ABCC1: variants seen among roughly 807,000 people sequenced by gnomAD.
ABCC1 encodes ATP binding cassette subfamily C member 1 (ABCC1 blood group), also known as multidrug resistance-associated protein 1.
In ABCC1, 83 loss-of-function variants were observed where a neutral mutation model predicts 172.9. The ratio of observed to expected loss-of-function variants is 0.48; its 90% confidence interval spans 0.40 to 0.58. ABCC1 has a LOEUF of 0.58. ABCC1 is among the 20% of genes least tolerant of loss of function. The pLI is 0.00. For synonymous variants in ABCC1, 937 were observed against 825.2 expected (o/e 1.14, Z -2.32); for missense variants, 1,817 against 2,002.7 (o/e 0.91, Z 1.77).
At chr16:15,954,848 C>G (rs1481253854) in intron 1 of ABCC1, among the ~76,000 whole-genome samples, 1 of 152,170 alleles carries the variant, frequency 6.6e-6, no homozygotes, top group Admixed American at 6.5e-5. Flanking sequence ...GAACTGATCT[C>G]TCTATGTGGG....
At chr16:15,983,028 T>C (rs566755351) in intron 1 of ABCC1, among the ~76,000 whole-genome samples, 26 of 152,086 alleles carry the variant, frequency 1.7e-4, no homozygotes, top group African/African-American at 5.1e-4. Context: ...ATATACAGTA[T>C]AAAATAGTGC....
At chr16:16,005,816 C>G (rs1007669817) in intron 1 of ABCC1, among the ~76,000 whole-genome samples, 2 of 151,964 alleles carry the variant, frequency 1.3e-5, no homozygotes, top group African/African-American at 4.8e-5. Context: ...AAAAAATTAG[C>G]CAAGCGGGGT....
intron 5 of ABCC1, among the ~76,000 whole-genome samples, chr16:16,024,939 G>A (rs1374850279): frequency 6.6e-6 from 1 of 152,134 alleles, no homozygotes; most frequent in Non-Finnish European, 1.5e-5. Flanking sequence ...GGCATTTTGG[G>A]AGGCTTAGGG....
chr16:16,036,775 T>A (rs2048775688), intron 7 of ABCC1, among the ~76,000 whole-genome samples, 172 bp downstream of exon 7: 1 of 152,052 alleles, frequency 6.6e-6, no homozygotes. Flanking sequence ...CCAAATGGGG[T>A]AGGATCTCAC....
intron 18 of ABCC1, among the ~76,000 whole-genome samples, chr16:16,087,577 C>A (rs1052975178): frequency 6.6e-6 from 1 of 152,158 alleles, no homozygotes; most frequent in Non-Finnish European, 1.5e-5. Flanking sequence ...CCTGCTTTGG[C>A]CTCCCAAGTA....
At chr16:16,140,699 A>T (rs1345386268) in intron 30 of ABCC1, among the ~76,000 whole-genome samples, 2 of 152,232 alleles carry the variant, frequency 1.3e-5, no homozygotes, top group Non-Finnish European at 2.9e-5. Flanking sequence ...ATAAAGTTTT[A>T]TTGGCACGCA....
intron 27 of ABCC1, among the ~76,000 whole-genome samples, chr16:16,132,340 T>A (rs1421856451): frequency 6.8e-6 from 1 of 147,660 alleles, no homozygotes; most frequent in Non-Finnish European, 1.5e-5. Flanking sequence ...ACCTGGCTAA[T>A]TTTTGTATTT....
At chr16:16,137,228 ATCTC>A (rs1438941613) in intron 29 of ABCC1, among the ~76,000 whole-genome samples, 1 of 151,858 alleles carries the variant, frequency 6.6e-6, no homozygotes, top group Non-Finnish European at 1.5e-5. Flanking sequence ...GGCTCTGCTG[ATCTC>A]GGCTGGGCTC....
intron 1 of ABCC1, among the ~76,000 whole-genome samples, chr16:15,996,001 T>C: frequency 6.9e-6 from 1 of 144,094 alleles, no homozygotes; most frequent in Admixed American, 7.0e-5. Flanking sequence ...TTTTTTTTTT[T>C]TGAGATGCAG....
Position 16,052,774 on chromosome 16 carries a change from G to T in ABCC1, c.1431G>T (p.Val477=). The change falls in exon 11 of 31, where the codon GTG becomes GTT. Residue 477 remains valine, a synonymous_variant. Coordinates refer to ENST00000399410, the MANE Select transcript of ABCC1 (RefSeq NM_004996.4). ...LAGVAVMVLM[V]PVNAVMAMKT... is the part of the protein sequence containing the mutation. ...GAGTGGCGGTGATGGTCCTCATGGT[G>T]CCCGTCAATGCTGTGATGGCGATGA... The T allele has an allele frequency of 6.2e-7, 1 of 1,614,114 alleles. No homozygotes were observed. The highest frequency in any genetic ancestry group is 8.5e-7 in the Non-Finnish European group (1 of 1,180,030).
At chr16:15,957,839 G>A (rs558945908) in intron 1 of ABCC1, among the ~76,000 whole-genome samples, 4 of 152,300 alleles carry the variant, frequency 2.6e-5, no homozygotes, top group East Asian at 1.9e-4. Context: ...TGATCCGCCC[G>A]CCTCGGCCTC....
At chr16:16,024,048 G>A (rs79658963) in intron 5 of ABCC1, among the ~76,000 whole-genome samples, 12,675 of 152,016 alleles carry the variant, frequency 0.083, 570 homozygotes, top group Middle Eastern at 0.18. Flanking sequence ...GTAAAACCCC[G>A]TCTCTACTGA....
rs1406400463 is a variant in ABCC1 at position 16,138,405 on chromosome 16, T to C, written c.4334T>C (p.Leu1445Pro). The C allele has an allele frequency of 1.2e-6, 2 of 1,607,496 alleles. No homozygotes were observed. Among genetic ancestry groups the C allele is most frequent in the East Asian group, 2.2e-5 (1 of 44,656 alleles). ...CTTGTGTGCCTAGCCCGGGCCCTGCTGAGGAAGACGAAGATCCTTGTGTTG... is the reference window on the plus strand; with the variant it reads ...CTTGTGTGCCTAGCCCGGGCCCTGCCGAGGAAGACGAAGATCCTTGTGTTG... ...RQLVCLARAL[L>P]RKTKILVLDE... Residue 1445 changes from leucine to proline, a missense_variant, in exon 30 of 31, where the codon CTG becomes CCG. By Grantham distance (98) the Leu-to-Pro change is moderately conservative. Coordinates refer to ENST00000399410, the MANE Select transcript of ABCC1 (RefSeq NM_004996.4).
At position 16,106,755 on chromosome 16, in the gene ABCC1, C is replaced by T. The variant is rs774116442; in HGVS notation, c.2753C>T (p.Ser918Phe). 1.9e-6 allele frequency: 3 copies of T among 1,613,958 alleles called. No individual in the cohort carries two copies. Among genetic ancestry groups the T allele is most frequent in the Non-Finnish European group, 1.7e-6 (2 of 1,180,020 alleles). ...TTCTCCAGACAGCTCAGCAGCTCCT[C>T]CTCCTATAGTGGGGACATCAGCAGG... ...KQLQRQLSSS[S>F]SYSGDISRHH... The change falls in exon 21 of 31, where the codon TCC (serine) becomes TTC (phenylalanine). Residue 918 changes from serine (S) to phenylalanine (F), a missense_variant. Transcript: ENST00000399410.
intron 24 of ABCC1, among the ~76,000 whole-genome samples, chr16:16,122,698 C>A (rs2045222487): frequency 6.9e-6 from 1 of 145,412 alleles, no homozygotes; most frequent in South Asian, 2.3e-4. Context: ...CATAGCAAGA[C>A]CCCCATCTCT....
chr16:16,134,206 G>A, intron 27 of ABCC1, 144 bp from the exon 28 acceptor site: 1 of 976,018 alleles, frequency 1.0e-6, no homozygotes, highest in East Asian at 2.4e-5. Context: ...GAGTGTCTCT[G>A]GGCAGCGCGC....
intron 23 of ABCC1, among the ~76,000 whole-genome samples, chr16:16,119,637 G>A (rs2045064016): frequency 6.6e-6 from 1 of 152,192 alleles, no homozygotes; most frequent in African/African-American, 2.4e-5. Flanking sequence ...GTTGCAATGA[G>A]CCAAGATTGT....
chr16:16,086,672 T>C, intron 17 of ABCC1, 152 bp from the exon 18 acceptor site: 1 of 756,718 alleles, frequency 1.3e-6, no homozygotes, highest in South Asian at 1.8e-5. Context: ...TCTCCCTATA[T>C]TGCTCAGGCT....
At chr16:16,015,501 A>C (rs1158158480) in intron 4 of ABCC1, among the ~76,000 whole-genome samples, 1 of 152,248 alleles carries the variant, frequency 6.6e-6, no homozygotes, top group African/African-American at 2.4e-5. Flanking sequence ...AGAGACTGGC[A>C]TGAGGCAAAG....
Sources: allele counts gnomAD v4.1 joint callset (sites outside exome capture counted in the v4.1 genomes callset), GRCh38; gene constraint gnomAD v4.1.1; transcripts MANE v1.5; gene names NCBI Gene and HGNC (gene_info 2026-07-23, HGNC 2026-07-21).